FRMD4B: variants seen among roughly 807,000 people sequenced by gnomAD.
FRMD4B encodes the protein FERM domain containing 4B, also known as FERM domain-containing protein 4B.
A neutral mutation model predicts 141.5 loss-of-function variants in FRMD4B; 74 were observed. The ratio of observed to expected loss-of-function variants is 0.52; its 90% CI spans 0.43 to 0.63. FRMD4B has a LOEUF of 0.63. Ranked by LOEUF, FRMD4B falls within the 30% of genes least tolerant of loss-of-function variation. FRMD4B has a pLI of 0.00. For missense variants in FRMD4B, 1,366 were observed against 1,253.4 expected (o/e 1.09, Z -1.36); for synonymous variants, 506 against 467.9 (o/e 1.08, Z -1.05).
intron 7 of FRMD4B, among the ~76,000 whole-genome samples, chr3:69,244,307 T>C (rs940676506): frequency 1.3e-5 from 2 of 152,150 alleles, no homozygotes; most frequent in African/African-American, 4.8e-5. Context: ...GAGGCTGGGC[T>C]GTTGGTGAGG....
chr3:69,323,629 T>G, intron 1 of FRMD4B, among the ~76,000 whole-genome samples: 1 of 59,300 alleles, frequency 1.7e-5, no homozygotes, highest in Admixed American at 2.1e-4. Context: ...TATATATATA[T>G]ATATATATAT....
chr3:69,285,638 G>A (rs763948783), intron 5 of FRMD4B, among the ~76,000 whole-genome samples: 2 of 152,136 alleles, frequency 1.3e-5, no homozygotes, highest in Non-Finnish European at 2.9e-5. Context: ...GAGGTCAGGA[G>A]TTTGAGACCA....
At chr3:69,519,046 C>T (rs921886296) in intron 1 of FRMD4B, among the ~76,000 whole-genome samples, 2 of 152,180 alleles carry the variant, frequency 1.3e-5, no homozygotes, top group East Asian at 3.8e-4. Context: ...GTTTAACAGG[C>T]ACCCCAGTGA....
At position 69,302,367 on chromosome 3, in the gene FRMD4B, G is replaced by C. The variant is rs376570644; in HGVS notation, c.392C>G (p.Pro131Arg). The C allele has an allele frequency of 6.2e-7, 1 of 1,604,970 alleles. No homozygotes were observed. The highest frequency in any genetic ancestry group is 1.3e-5 in the African/African-American group (1 of 74,766). Reference protein sequence around the residue: ...LDHDLPKKPGPTILHFAVRFY... With the variant: ...LDHDLPKKPGRTILHFAVRFY... ...CCTCACAGCAAAGTGCAAAATGGTT[G>C]GGCCTGGTTTCTTGGGCAAATCGTG... is the stretch of plus-strand genomic sequence containing the variant. Residue 131 changes from proline (P) to arginine (R), a missense_variant, in exon 4 of 23, where the codon CCA (proline) becomes CGA (arginine). Coordinates refer to ENST00000398540, the MANE Select transcript of FRMD4B (RefSeq NM_015123.3).
intron 1 of FRMD4B, among the ~76,000 whole-genome samples, chr3:69,349,078 T>C (rs1022282081): frequency 3.3e-5 from 5 of 152,202 alleles, no homozygotes; most frequent in Non-Finnish European, 7.3e-5. Context: ...AAAACCTCAT[T>C]GTCTCAGCCT....
intron 1 of FRMD4B, among the ~76,000 whole-genome samples, chr3:69,469,116 C>A (rs1705843684): frequency 6.6e-6 from 1 of 152,174 alleles, no homozygotes; most frequent in Non-Finnish European, 1.5e-5. Flanking sequence ...TCACACATCT[C>A]ACTTAGTGAC....
At chr3:69,250,019 A>G in intron 6 of FRMD4B, 24 bp downstream of exon 6, 1 of 1,521,050 alleles carries the variant, frequency 6.6e-7, no homozygotes, top group Non-Finnish European at 9.1e-7. Flanking sequence ...GGGAGCTGCT[A>G]AGAGGCAGTT....
chr3:69,330,792 C>T lies in FRMD4B; in HGVS notation c.163-17275G>A, dbSNP rs138841542. Among the ~76,000 whole-genome samples the T allele has an allele frequency of 2.1e-4, 32 of 152,258 alleles. No individual in the cohort carries two copies. The East Asian group carries it at 2.5e-3, about 12-fold the overall frequency. On this transcript the variant is annotated intron_variant, in intron 1 of 22. Transcript: ENST00000398540. Reference sequence around the variant, plus strand: ...GATTACAGGCGTGTGCCACCACGCCCGGCCTCTTTTGCCGCTGAATTGCTA... The same window carrying T: ...GATTACAGGCGTGTGCCACCACGCCTGGCCTCTTTTGCCGCTGAATTGCTA...
rs1196908626 is a variant in FRMD4B, at chr3:69,198,679, A to C, written c.953+19T>G. 2 of 1,327,620 alleles carry C rather than the reference A, an allele frequency of 1.5e-6. No homozygotes were observed. The highest frequency in any genetic ancestry group is 3.8e-5 in the Admixed American group (2 of 52,186). 82.2% of individuals were successfully genotyped at this position (1,327,620 alleles called of 1,614,324 possible). A position where few individuals can be genotyped will look rare whatever the true frequency, so the allele number is the denominator to read the frequency against. ...TGTATAGTAACTGTGTCATACAGAG[A>C]AACGTCTTTGATCCTCACCTTCGTG... On this transcript the variant is annotated intron_variant, in intron 12 of 22. Coordinates refer to ENST00000398540, the MANE Select transcript of FRMD4B (RefSeq NM_015123.3).
intron 1 of FRMD4B, among the ~76,000 whole-genome samples, chr3:69,473,623 T>C (rs1412259269): frequency 6.6e-6 from 1 of 152,170 alleles, no homozygotes; most frequent in Admixed American, 6.5e-5. Flanking sequence ...CCAACATCCT[T>C]AGGTTTTTGT....
chr3:69,326,672 G>T (rs1001022090), intron 1 of FRMD4B, among the ~76,000 whole-genome samples: 2 of 152,142 alleles, frequency 1.3e-5, no homozygotes, highest in Admixed American at 6.5e-5. Flanking sequence ...TTTATAAGGG[G>T]CTAGGCCAAG....
chr3:69,465,967 A>T (rs756505611), intron 1 of FRMD4B, among the ~76,000 whole-genome samples: 1 of 152,208 alleles, frequency 6.6e-6, no homozygotes, highest in Non-Finnish European at 1.5e-5. Context: ...GAATTGCCAC[A>T]CTGTCTTCCA....
rs541255766 is a variant in FRMD4B at position 69,345,281 on chromosome 3, G to A, written c.163-31764C>T. The stretch of plus-strand genomic sequence containing the variant: ...GATCGAACTGCAAGGAGGCAGTGAG[G>A]CTGGGGTAGGGGTACCCGCCATTGC... On this transcript the variant is annotated intron_variant, in intron 1 of 22. Transcript: ENST00000398540. Among the ~76,000 whole-genome samples the A allele has an allele frequency of 3.3e-5, 5 of 152,318 alleles. No homozygotes were observed. The East Asian group carries it at 9.7e-4, about 29-fold the overall frequency.
Position 69,276,608 on chromosome 3 carries a change from T to C in FRMD4B, c.501+11144A>G, listed in dbSNP as rs147740374. 7.2e-5 allele frequency among the ~76,000 whole-genome samples: 11 copies of C among 152,272 alleles called. No homozygotes were observed. In the South Asian group the frequency reaches 1.2e-3, roughly 17 times the overall value. On this transcript the variant is annotated intron_variant, in intron 5 of 22. Coordinates refer to ENST00000398540, the MANE Select transcript of FRMD4B (RefSeq NM_015123.3). ...GGCCAAATTGCCTTCCTAAACTGCA[T>C]TGGCTTTCAAGAGAACTTTGATACC...
At chr3:69,508,285 A>G (rs1193792177) in intron 1 of FRMD4B, among the ~76,000 whole-genome samples, 1 of 152,230 alleles carries the variant, frequency 6.6e-6, no homozygotes, top group Non-Finnish European at 1.5e-5. Context: ...TTGGAATTCA[A>G]CAACAGAACT....
At chr3:69,183,002 G>C (rs534086417) in intron 19 of FRMD4B, among the ~76,000 whole-genome samples, 2 of 152,354 alleles carry the variant, frequency 1.3e-5, no homozygotes, top group Non-Finnish European at 2.9e-5. Context: ...AGCTGTTTAT[G>C]TAGGCACCTG....
intron 22 of FRMD4B, among the ~76,000 whole-genome samples, chr3:69,175,689 C>T (rs1429191091): frequency 6.6e-6 from 1 of 151,752 alleles, no homozygotes; most frequent in African/African-American, 2.4e-5. Flanking sequence ...AAAATAAAAG[C>T]TTCAGACTCA....
intron 1 of FRMD4B, among the ~76,000 whole-genome samples, chr3:69,385,102 A>G (rs1222596604): frequency 1.3e-5 from 2 of 151,996 alleles, no homozygotes; most frequent in Non-Finnish European, 2.9e-5. Flanking sequence ...AAACTGCAGT[A>G]CCAGAGAGGA....
chr3:69,171,700 G>C lies in FRMD4B; in HGVS notation c.*161C>G. 2 of 674,562 alleles carry C rather than the reference G, an allele frequency of 3.0e-6. No individual in the cohort carries two copies. Among genetic ancestry groups the C allele is most frequent in the Non-Finnish European group, 2.6e-6 (1 of 391,880 alleles). 41.8% of individuals were successfully genotyped at this position (674,562 alleles called of 1,614,324 possible). Reference sequence around the variant, plus strand: ...CTCCTTTAGGGGCTTTGTGGGGCTTGGTGTGTGATTCACTGATTCACTTCC... The same window carrying C: ...CTCCTTTAGGGGCTTTGTGGGGCTTCGTGTGTGATTCACTGATTCACTTCC... On this transcript the variant is annotated 3_prime_UTR_variant, in exon 23 of 23. Transcript: ENST00000398540.
Sources: gnomAD v4.1 joint callset for allele counts (sites outside exome capture counted in the v4.1 genomes callset) on GRCh38, gnomAD v4.1.1 for gene constraint, MANE v1.5 for transcripts, NCBI Gene and HGNC (gene_info 2026-07-23, HGNC 2026-07-21) for gene names.